The following CEMIP variants were observed in gnomAD, a reference collection of about 807,000 sequenced individuals.
CEMIP encodes cell migration inducing hyaluronidase 1.
In CEMIP, 105 loss-of-function variants were observed where a neutral mutation model predicts 156.9. The observed-to-expected ratio is 0.67, with a 90% CI of 0.57 to 0.79. CEMIP has a LOEUF of 0.79. CEMIP is among the 30% of genes least tolerant of loss of function. The pLI is 0.00. For missense variants in CEMIP, 1,457 were observed against 1,769.4 expected (o/e 0.82, Z 3.17); for synonymous variants, 676 against 668.4 (o/e 1.01, Z -0.17).
chr15:80,927,112 A>T (rs552936302), intron 19 of CEMIP, among the ~76,000 whole-genome samples: 1 of 152,366 alleles, frequency 6.6e-6, no homozygotes, highest in East Asian at 1.9e-4. Context: ...TACAGGCGTG[A>T]GCCACTGTGC....
At chr15:80,842,780 T>A (rs1897457772) in intron 1 of CEMIP, among the ~76,000 whole-genome samples, 1 of 150,584 alleles carries the variant, frequency 6.6e-6, no homozygotes, top group Non-Finnish European at 1.5e-5. Context: ...GGGCCTGGAG[T>A]GCAGAAGACA....
intron 4 of CEMIP, 98 bp from the exon 5 acceptor site, chr15:80,879,618 G>A: frequency 7.0e-7 from 1 of 1,418,914 alleles, no homozygotes; most frequent in Non-Finnish European, 1.0e-6. Flanking sequence ...GCCTGCCCCG[G>A]TGAGATGGGG....
chr15:80,880,080 C>T (rs192639570), intron 5 of CEMIP, among the ~76,000 whole-genome samples: 88 of 152,316 alleles, frequency 5.8e-4, no homozygotes, highest in African/African-American at 1.6e-3. Context: ...GTTTTAGAGA[C>T]GGGCCTGCCA....
chr15:80,909,656 G>A (rs1329122663), intron 14 of CEMIP: 3 of 466,810 alleles, frequency 6.4e-6, no homozygotes, highest in South Asian at 1.5e-5. Flanking sequence ...GGGATCATGC[G>A]AAGACCCGGC....
chr15:80,884,445 C>G (rs1898767495), intron 7 of CEMIP, 91 bp downstream of exon 7: 1 of 1,307,886 alleles, frequency 7.6e-7, no homozygotes. Flanking sequence ...CTCCTCTCCC[C>G]ACAGCCGTAC....
chr15:80,832,320 C>CTGTGTGTGTG (rs1266715174), intron 1 of CEMIP, among the ~76,000 whole-genome samples: 5 of 18,122 alleles, frequency 2.8e-4, no homozygotes, highest in African/African-American at 7.9e-4. Context: ...TTAAAATAAA[C>CTGTGTGTGTG]TCTGTGTGTG....
At chr15:80,799,194 G>A (rs1249631659) in intron 1 of CEMIP, among the ~76,000 whole-genome samples, 1 of 152,254 alleles carries the variant, frequency 6.6e-6, no homozygotes, top group Non-Finnish European at 1.5e-5. Context: ...AGGTTTTGCA[G>A]AGATGTGGTC....
At chr15:80,909,584 C>T (rs996703034) in intron 14 of CEMIP, 8 of 526,614 alleles carry the variant, frequency 1.5e-5, no homozygotes, top group African/African-American at 5.7e-5. Flanking sequence ...ATTGGCATCA[C>T]ATGAAATCTG....
At chr15:80,928,051 A>G (rs1160323281) in intron 19 of CEMIP, among the ~76,000 whole-genome samples, 8 of 152,190 alleles carry the variant, frequency 5.3e-5, no homozygotes, top group Non-Finnish European at 1.2e-4. Flanking sequence ...TATGAAGGAT[A>G]TAAAGCCACG....
intron 1 of CEMIP, among the ~76,000 whole-genome samples, chr15:80,797,326 C>T (rs562776405): frequency 6.6e-6 from 1 of 152,292 alleles, no homozygotes; most frequent in Admixed American, 6.5e-5. Flanking sequence ...CCACAGGGAG[C>T]ACCTACAGTG....
intron 19 of CEMIP, among the ~76,000 whole-genome samples, chr15:80,927,682 G>A (rs1192329052): frequency 2.0e-5 from 3 of 152,138 alleles, no homozygotes; most frequent in Non-Finnish European, 2.9e-5. Context: ...GGTCCTACGT[G>A]TGGACAAGGT....
At chr15:80,893,143 T>C (rs765537006) in intron 10 of CEMIP, among the ~76,000 whole-genome samples, 5 of 151,958 alleles carry the variant, frequency 3.3e-5, no homozygotes, top group Admixed American at 6.6e-5. Flanking sequence ...GGTGGCGCCA[T>C]TGTACTCCAG....
chr15:80,920,073 C>G (rs757966017), intron 14 of CEMIP, 21 bp from the exon 15 acceptor site: 1 of 1,612,844 alleles, frequency 6.2e-7, no homozygotes, highest in Non-Finnish European at 8.5e-7. Flanking sequence ...TGGTGAAACA[C>G]CCCTGTCTTG....
At chr15:80,895,217 A>C in intron 11 of CEMIP, 95 bp downstream of exon 11, 4 of 1,547,494 alleles carry the variant, frequency 2.6e-6, no homozygotes, top group Non-Finnish European at 3.6e-6. Context: ...TCAGTGAGAC[A>C]GTGCTCCCAA....
chr15:80,927,804 G>A (rs1900752833), intron 19 of CEMIP, among the ~76,000 whole-genome samples: 1 of 152,156 alleles, frequency 6.6e-6, no homozygotes, highest in Admixed American at 6.5e-5. Flanking sequence ...CCATGGAGGG[G>A]CCTGGGAGAT....
intron 12 of CEMIP, among the ~76,000 whole-genome samples, chr15:80,898,865 T>C (rs948339988): frequency 1.3e-5 from 2 of 152,214 alleles, no homozygotes; most frequent in Non-Finnish European, 2.9e-5. Context: ...TGCCCCACCT[T>C]TCCTCCACAG....
intron 1 of CEMIP, among the ~76,000 whole-genome samples, chr15:80,804,821 T>A (rs1596101000): frequency 6.6e-6 from 1 of 152,284 alleles, no homozygotes; most frequent in East Asian, 1.9e-4. Flanking sequence ...TCATAGTACT[T>A]GAACTAGGGG....
intron 28 of CEMIP, among the ~76,000 whole-genome samples, chr15:80,945,481 G>T (rs896676874): frequency 1.3e-5 from 2 of 152,242 alleles, no homozygotes; most frequent in Admixed American, 1.3e-4. Context: ...TGAATCTAGA[G>T]TGGAGGATGT....
At chr15:80,864,120 C>T (rs543255344) in intron 1 of CEMIP, among the ~76,000 whole-genome samples, 117 of 152,284 alleles carry the variant, frequency 7.7e-4, no homozygotes, top group African/African-American at 2.7e-3. Flanking sequence ...TCCCTTTATC[C>T]GCCCCTGAAT....
Sources: gnomAD v4.1 joint callset for allele counts (sites outside exome capture counted in the v4.1 genomes callset) on GRCh38, gnomAD v4.1.1 for gene constraint, MANE v1.5 for transcripts, NCBI Gene and HGNC (gene_info 2026-07-23, HGNC 2026-07-21) for gene names.